Variants in KDSR observed in about 807,000 individuals in gnomAD.
The protein encoded by KDSR is 3-ketodihydrosphingosine reductase.
KDSR carries 23 observed loss-of-function variants against 41.3 expected under a neutral mutation model. That is an observed-to-expected ratio of 0.56 (90% confidence interval 0.40 to 0.79). KDSR has a LOEUF of 0.79. Ranked by LOEUF, KDSR falls within the 30% of genes least tolerant of loss-of-function variation. KDSR has a pLI of 0.00. For synonymous variants in KDSR, 138 were observed against 151.7 expected, an observed-to-expected ratio of 0.91 and a Z score of 0.66; for missense variants, 351 against 416.8, an observed-to-expected ratio of 0.84 and a Z score of 1.37.
chr18:63,351,337 T>G (rs1914658038), intron 5 of KDSR, among the ~76,000 whole-genome samples: 1 of 152,260 alleles, frequency 6.6e-6, no homozygotes, highest in Admixed American at 6.5e-5. Flanking sequence ...CAGCAGTTAA[T>G]GTTTTTCCTG....
intron 7 of KDSR, among the ~76,000 whole-genome samples, chr18:63,339,618 CCTCT>C (rs1184993657): frequency 6.6e-6 from 1 of 152,216 alleles, no homozygotes; most frequent in Admixed American, 6.5e-5. Flanking sequence ...CTGGCAGTAA[CCTCT>C]CTCTTTCTTC....
chr18:63,366,314 A>G (rs1291499687), intron 1 of KDSR: 2 of 152,342 alleles, frequency 1.3e-5, no homozygotes, highest in African/African-American at 4.8e-5. Flanking sequence ...TCCCACTAGA[A>G]AACAGCAAAG....
intron 2 of KDSR, 78 bp from the exon 3 acceptor site, chr18:63,359,870 CA>C: frequency 1.0e-6 from 1 of 970,186 alleles, no homozygotes; most frequent in Non-Finnish European, 1.7e-6. Context: ...AGAAAAAAAG[CA>C]ATTATTTCTA....
rs201204967 is a variant in KDSR at position 63,367,091 on chromosome 18, C to T, written c.28G>A (p.Val10Met). The change falls in exon 1 of 10, where the codon GTG becomes ATG. Residue 10 changes from valine (V) to methionine (M), a missense_variant. Physicochemically the swap from Val to Met is conservative, Grantham distance 21. Transcript: ENST00000645214. MLLLAAAFL[V>M]AFVLLLYMVS... is the part of the protein sequence containing the mutation. ...ATGTACAGCAGCAGCACGAAGGCCA[C>T]GAGGAAGGCGGCAGCCAGCAGCAGC... is the stretch of plus-strand genomic sequence containing the variant. The T allele has an allele frequency of 7.5e-7, 1 of 1,335,302 alleles. No individual in the cohort carries two copies. The highest frequency in any genetic ancestry group is 2.8e-5 in the East Asian group (1 of 36,154). The allele number at this position is 1,335,302 out of a possible 1,614,324, so 82.7% of individuals were successfully genotyped here.
At chr18:63,345,994 G>A (rs1914491586) in intron 6 of KDSR, 1 of 151,714 alleles carries the variant, frequency 6.6e-6, no homozygotes, top group East Asian at 1.9e-4. Flanking sequence ...GTAGCCCAGA[G>A]TCTCATCTTA....
intron 5 of KDSR, among the ~76,000 whole-genome samples, chr18:63,351,471 A>G (rs1033225392): frequency 1.3e-5 from 2 of 152,258 alleles, no homozygotes; most frequent in Admixed American, 1.3e-4. Context: ...GTTCTAAGCT[A>G]TAAGAAAAAC....
chr18:63,360,898 T>G (rs1283076064), intron 2 of KDSR, among the ~76,000 whole-genome samples: 1 of 148,042 alleles, frequency 6.8e-6, no homozygotes, highest in African/African-American at 2.5e-5. Context: ...CTCACGCCTG[T>G]AAGCCCAGCA....
chr18:63,335,137 A>T (rs1914117807), intron 9 of KDSR, 120 bp downstream of exon 9: 1 of 629,458 alleles, frequency 1.6e-6, no homozygotes, highest in African/African-American at 1.8e-5. Context: ...GCTCCATAAA[A>T]ATACATTGTC....
intron 8 of KDSR, among the ~76,000 whole-genome samples, chr18:63,338,195 A>T (rs745455073): frequency 6.6e-6 from 1 of 152,218 alleles, no homozygotes; most frequent in Non-Finnish European, 1.5e-5. Flanking sequence ...ATGGTCCTAT[A>T]GATTTTCCAA....
chr18:63,360,708 C>T (rs949647889), intron 2 of KDSR, among the ~76,000 whole-genome samples: 1 of 151,488 alleles, frequency 6.6e-6, no homozygotes, highest in Non-Finnish European at 1.5e-5. Flanking sequence ...CATGGTGAAG[C>T]CCCGTCTCTA....
intron 7 of KDSR, among the ~76,000 whole-genome samples, chr18:63,341,692 A>G (rs1568277381): frequency 6.6e-6 from 1 of 152,204 alleles, no homozygotes; most frequent in South Asian, 2.1e-4. Context: ...AATCCATTAA[A>G]TAAGGATAAA....
At chr18:63,339,424 G>A (rs149564432) in intron 7 of KDSR, among the ~76,000 whole-genome samples, 189 of 152,332 alleles carry the variant, frequency 1.2e-3, no homozygotes, top group African/African-American at 4.4e-3. Flanking sequence ...GACTTGCTGA[G>A]GAGGCAAATG....
At chr18:63,357,592 A>AT (rs758193283) in intron 3 of KDSR, among the ~76,000 whole-genome samples, 16 of 117,982 alleles carry the variant, frequency 1.4e-4, no homozygotes, top group African/African-American at 5.1e-4. Flanking sequence ...ATATATATAT[A>AT]TATTTTTTTT....
At chr18:63,356,151 A>G (rs1419146173) in intron 3 of KDSR, among the ~76,000 whole-genome samples, 1 of 152,146 alleles carries the variant, frequency 6.6e-6, no homozygotes, top group African/African-American at 2.4e-5. Context: ...TAATCCCAGC[A>G]CTTTGGGAGG....
intron 1 of KDSR, among the ~76,000 whole-genome samples, chr18:63,365,675 T>C (rs1408064896): frequency 6.6e-6 from 1 of 152,246 alleles, no homozygotes; most frequent in African/African-American, 2.4e-5. Context: ...CGTTTAGCTT[T>C]AGTTTTTGCA....
chr18:63,329,322 A>T lies in KDSR; in HGVS notation c.*2460T>A, dbSNP rs1273541873. ...AACACCTCCACAGCATCTAAGGGAA[A>T]ACCTATAATCAAATCCATGGATATT... On this transcript the variant is annotated 3_prime_UTR_variant, in exon 10 of 10. Coordinates refer to ENST00000645214, the MANE Select transcript of KDSR (RefSeq NM_002035.4). The T allele has an allele frequency of 4.8e-6, 1 of 207,270 alleles. No homozygotes were observed. The highest frequency in any genetic ancestry group is 9.8e-6 in the Non-Finnish European group (1 of 101,536). 12.8% of individuals were successfully genotyped at this position (207,270 alleles called of 1,614,324 possible).
intron 7 of KDSR, among the ~76,000 whole-genome samples, chr18:63,340,328 A>G (rs766068351): frequency 1.3e-5 from 2 of 152,238 alleles, no homozygotes; most frequent in South Asian, 4.1e-4. Flanking sequence ...AATAGCAGTA[A>G]TTTTTAAAAA....
In KDSR at chr18:63,351,098, C is replaced by T. The variant is rs1217239933; in HGVS notation, c.418-19G>A. 4.4e-6 allele frequency: 7 copies of T among 1,589,358 alleles called. No homozygotes were observed. The highest frequency in any genetic ancestry group is 6.0e-6 in the Non-Finnish European group (7 of 1,166,616). The stretch of plus-strand genomic sequence containing the variant: ...TTAACCTCTGCAGGGAACAAAGAGG[C>T]CACATGAGGTCAAAAGCCTCAAGGC... On this transcript the variant is annotated intron_variant, in intron 5 of 9. Coordinates refer to ENST00000645214, the MANE Select transcript of KDSR (RefSeq NM_002035.4).
At chr18:63,333,516 G>A (rs1364223401) in intron 9 of KDSR, among the ~76,000 whole-genome samples, 2 of 152,144 alleles carry the variant, frequency 1.3e-5, no homozygotes, top group African/African-American at 2.4e-5. Flanking sequence ...CATCCAGGGG[G>A]CCTGAGCAGG....
Sources: allele counts gnomAD v4.1 joint callset (sites outside exome capture counted in the v4.1 genomes callset), GRCh38; gene constraint gnomAD v4.1.1; transcripts MANE v1.5; gene names NCBI Gene and HGNC (gene_info 2026-07-23, HGNC 2026-07-21).